Variants in CSMD1 observed in about 807,000 individuals in gnomAD.
CSMD1 encodes the protein CUB and Sushi multiple domains 1.
CSMD1 carries 213 observed loss-of-function variants against 417.5 expected under a neutral mutation model. The ratio of observed to expected loss-of-function variants is 0.51; its 90% confidence interval spans 0.46 to 0.57. CSMD1 has a LOEUF of 0.57. Among genes scored for constraint, CSMD1 ranks in the 20% least tolerant of loss-of-function variants. The pLI is 0.00. For synonymous variants in CSMD1, 2,862 were observed against 1,736.8 expected (o/e 1.65, Z -16.11); for missense variants, 6,923 against 4,529.7 (o/e 1.53, Z -15.17).
intron 16 of CSMD1, among the ~76,000 whole-genome samples, chr8:3,397,544 G>C (rs1811776707): frequency 6.6e-6 from 1 of 152,182 alleles, no homozygotes; most frequent in Non-Finnish European, 1.5e-5. Context: ...ACCAGAATAA[G>C]GCCACAGGCT....
At chr8:3,774,970 A>G (rs1220201232) in intron 5 of CSMD1, among the ~76,000 whole-genome samples, 2 of 152,070 alleles carry the variant, frequency 1.3e-5, no homozygotes, top group African/African-American at 2.4e-5. Context: ...ATACACAGCA[A>G]TGCACTGGAC....
At chr8:4,759,607 C>T (rs1811901722) in intron 1 of CSMD1, among the ~76,000 whole-genome samples, 1 of 152,098 alleles carries the variant, frequency 6.6e-6, no homozygotes, top group Admixed American at 6.5e-5. Flanking sequence ...TTGTTCCCCT[C>T]CCTACGTCCA....
intron 3 of CSMD1, among the ~76,000 whole-genome samples, chr8:4,072,182 T>A (rs1462694357): frequency 6.6e-6 from 1 of 152,198 alleles, no homozygotes; most frequent in East Asian, 1.9e-4. Context: ...AGTTTCCAGG[T>A]GTTTTTCTGT....
chr8:4,166,470 T>G (rs1041700826), intron 3 of CSMD1, among the ~76,000 whole-genome samples: 1 of 152,000 alleles, frequency 6.6e-6, no homozygotes, highest in African/African-American at 2.4e-5. Context: ...CTGGATGAAG[T>G]TGGAGGCCAT....
chr8:3,888,401 T>C (rs1053303696), intron 5 of CSMD1, among the ~76,000 whole-genome samples: 2 of 152,350 alleles, frequency 1.3e-5, no homozygotes, highest in Admixed American at 6.5e-5. Flanking sequence ...TATTTCATTC[T>C]ATACGGAAAC....
chr8:3,622,807 G>C (rs544532118), intron 7 of CSMD1, among the ~76,000 whole-genome samples: 1 of 149,980 alleles, frequency 6.7e-6, no homozygotes, highest in Non-Finnish European at 1.5e-5. Flanking sequence ...TCCACACCAT[G>C]AGTCATTGAT....
chr8:3,171,471 G>A (rs974703412), intron 37 of CSMD1, among the ~76,000 whole-genome samples: 4 of 152,142 alleles, frequency 2.6e-5, no homozygotes, highest in East Asian at 1.9e-4. Flanking sequence ...AGTATGACAG[G>A]ACTGAGGTTT....
chr8:3,098,076 T>C (rs1042616930), intron 46 of CSMD1, among the ~76,000 whole-genome samples: 1 of 152,238 alleles, frequency 6.6e-6, no homozygotes, highest in Non-Finnish European at 1.5e-5. Flanking sequence ...GTAATTTCTC[T>C]CATCACTGAA....
intron 12 of CSMD1, among the ~76,000 whole-genome samples, chr8:3,462,986 G>C (rs889553093): frequency 6.6e-6 from 1 of 152,198 alleles, no homozygotes; most frequent in Non-Finnish European, 1.5e-5. Context: ...GCCTTGCGCT[G>C]TCCACCACGT....
rs888427107 is a variant in CSMD1 at position 4,729,396 on chromosome 8, G to A, written c.86-91838C>T. ...GAGAGAATTGGAAGAAATGAAAAAA[G>A]GGGAAAAATAAAGTATCCACAACTT... On this transcript the variant is annotated intron_variant, in intron 1 of 69. Transcript: ENST00000635120. 4.6e-5 allele frequency among the ~76,000 whole-genome samples: 7 copies of A among 152,260 alleles called. No individual in the cohort carries two copies. The South Asian group carries it at 6.2e-4, about 14-fold the overall frequency.
At chr8:4,944,786 C>G (rs1056677437) in intron 1 of CSMD1, among the ~76,000 whole-genome samples, 4 of 152,044 alleles carry the variant, frequency 2.6e-5, no homozygotes, top group Non-Finnish European at 5.9e-5. Flanking sequence ...GGCAAACCCG[C>G]TGCACTCTTG....
chr8:4,887,013 C>G (rs553189204), intron 1 of CSMD1, among the ~76,000 whole-genome samples: 20 of 151,944 alleles, frequency 1.3e-4, no homozygotes, highest in Admixed American at 1.1e-3. Context: ...CTTCCTCTTG[C>G]TTGGTTTGTG....
chr8:3,255,475 A>G (rs1483501404), intron 26 of CSMD1, among the ~76,000 whole-genome samples: 2 of 152,198 alleles, frequency 1.3e-5, no homozygotes, highest in Non-Finnish European at 2.9e-5. Flanking sequence ...GGTGGAGCCT[A>G]CAGAGGCAGG....
At chr8:4,368,131 G>C (rs893409047) in intron 3 of CSMD1, among the ~76,000 whole-genome samples, 1 of 152,030 alleles carries the variant, frequency 6.6e-6, no homozygotes, top group Non-Finnish European at 1.5e-5. Flanking sequence ...ATTCAGTATG[G>C]TGTTCATAGA....
chr8:3,808,544 C>A (rs750706021), intron 5 of CSMD1, among the ~76,000 whole-genome samples: 4 of 152,186 alleles, frequency 2.6e-5, no homozygotes, highest in Admixed American at 6.5e-5. Context: ...CATGCAAAGT[C>A]TGTCTCTCTT....
chr8:3,764,146 A>T (rs1317272737), intron 5 of CSMD1, among the ~76,000 whole-genome samples: 1 of 151,966 alleles, frequency 6.6e-6, no homozygotes, highest in East Asian at 1.9e-4. Context: ...AGTGCACAGC[A>T]CTCTCTCACT....
At chr8:4,157,773 C>T (rs1252629857) in intron 3 of CSMD1, among the ~76,000 whole-genome samples, 3 of 152,192 alleles carry the variant, frequency 2.0e-5, no homozygotes, top group Admixed American at 6.5e-5. Context: ...CCTGGTCCAG[C>T]GTTCACAGCT....
chr8:3,744,312 G>C lies in CSMD1; in HGVS notation c.931+9618C>G, dbSNP rs66954662. ...GGCGGATGGGGACACAGCACGGAGA[G>C]CATCTACTCTGCCTGTGATACCCTG... On this transcript the variant is annotated intron_variant, in intron 6 of 69. Transcript: ENST00000635120. 1.5e-3 allele frequency among the ~76,000 whole-genome samples: 228 copies of C among 152,168 alleles called. 1 individual carries two copies. The highest frequency in any genetic ancestry group is 5.1e-3 in the African/African-American group (213 of 41,506).
chr8:4,253,369 A>C (rs1216277458), intron 3 of CSMD1, among the ~76,000 whole-genome samples: 1 of 149,552 alleles, frequency 6.7e-6, no homozygotes, highest in Non-Finnish European at 1.5e-5. Context: ...TACGCATTTA[A>C]ATGCATTTTT....
Sources: allele counts gnomAD v4.1 joint callset (sites outside exome capture counted in the v4.1 genomes callset), GRCh38; gene constraint gnomAD v4.1.1; transcripts MANE v1.5; gene names NCBI Gene and HGNC (gene_info 2026-07-23, HGNC 2026-07-21).